C11orf65: variants seen among roughly 807,000 people sequenced by gnomAD.
C11orf65 encodes the protein chromosome 11 open reading frame 65.
In C11orf65, 38 loss-of-function variants were observed where a neutral mutation model predicts 35.3. That is an observed-to-expected ratio of 1.08 (90% CI 0.83 to 1.41). The LOEUF is 1.41. C11orf65 is among the 40% of genes most tolerant of loss of function. C11orf65 has a pLI of 0.00. For missense variants in C11orf65, 370 were observed against 367.1 expected (o/e 1.01, Z -0.06); for synonymous variants, 105 against 114.4 (o/e 0.92, Z 0.53).
intron 7 of C11orf65, among the ~76,000 whole-genome samples, chr11:108,389,865 T>G (rs779002263): frequency 4.6e-5 from 7 of 151,942 alleles, no homozygotes; most frequent in Non-Finnish European, 1.0e-4. Context: ...CGGCTAATTT[T>G]TTATATTTTT....
chr11:108,428,119 G>A (rs531663648), intron 3 of C11orf65, among the ~76,000 whole-genome samples: 9 of 151,812 alleles, frequency 5.9e-5, no homozygotes, highest in South Asian at 2.1e-4. Context: ...GTGAGCCACC[G>A]CGCCCACCCA....
intron 2 of C11orf65, among the ~76,000 whole-genome samples, chr11:108,452,376 G>A (rs575649423): frequency 8.9e-4 from 136 of 152,258 alleles, no homozygotes; most frequent in Non-Finnish European, 1.7e-3. Flanking sequence ...AGACATTTAT[G>A]CAGCCAACAG....
chr11:108,391,942 C>G (rs1018848752), intron 7 of C11orf65, among the ~76,000 whole-genome samples: 1 of 151,792 alleles, frequency 6.6e-6, no homozygotes, highest in South Asian at 2.1e-4. Flanking sequence ...TAAATAGAGG[C>G]GCTGTCTCAC....
At chr11:108,445,004 T>A (rs2093228995) in intron 2 of C11orf65, among the ~76,000 whole-genome samples, 1 of 152,148 alleles carries the variant, frequency 6.6e-6, no homozygotes, top group Non-Finnish European at 1.5e-5. Context: ...GTCTTGCTGA[T>A]TGCTAGCACA....
intron 1 of C11orf65, among the ~76,000 whole-genome samples, chr11:108,462,236 G>A (rs1180432712): frequency 6.6e-6 from 1 of 152,144 alleles, no homozygotes; most frequent in Admixed American, 6.6e-5. Flanking sequence ...GTAGAGACAG[G>A]TTCTTGCTAT....
intron 3 of C11orf65, among the ~76,000 whole-genome samples, chr11:108,414,004 G>A (rs959050714): frequency 2.6e-5 from 4 of 151,876 alleles, no homozygotes; most frequent in African/African-American, 7.3e-5. Context: ...TCTGCCTTGA[G>A]GGACTAGAAA....
chr11:108,343,103 A>G (rs2136931376), intron 2 of C11orf65: 1 of 1,289,378 alleles, frequency 7.8e-7, no homozygotes. Context: ...TTCTATGGAC[A>G]GAGAAATATT....
At chr11:108,441,267 T>C (rs2093149249) in intron 2 of C11orf65, among the ~76,000 whole-genome samples, 1 of 152,206 alleles carries the variant, frequency 6.6e-6, no homozygotes, top group Non-Finnish European at 1.5e-5. Context: ...GCAGCGAGGC[T>C]GGAGGAGAGG....
intron 2 of C11orf65, among the ~76,000 whole-genome samples, chr11:108,356,815 T>C (rs2089989217): frequency 6.6e-6 from 1 of 152,208 alleles, no homozygotes; most frequent in Non-Finnish European, 1.5e-5. Flanking sequence ...GAAGTGACAG[T>C]GGCCAGATCC....
At position 108,420,466 on chromosome 11, in the gene C11orf65, C is replaced by T. The variant is rs563299861; in HGVS notation, c.174+11280G>A. ...AATGGCTTCTAGACCCATCTCCTCA[C>T]CCACCACATTCTGCTCAGTCACTGG... On this transcript the variant is annotated intron_variant, in intron 3 of 8. Transcript: ENST00000393084. Among the ~76,000 whole-genome samples, 107 of 152,254 alleles carry T rather than the reference C, an allele frequency of 7.0e-4. 1 individual carries two copies. Among genetic ancestry groups the T allele is most frequent in the African/African-American group, 2.4e-3 (101 of 41,554 alleles).
chr11:108,420,738 A>C (rs1179167897), intron 3 of C11orf65, among the ~76,000 whole-genome samples: 2 of 152,108 alleles, frequency 1.3e-5, no homozygotes, highest in Non-Finnish European at 2.9e-5. Context: ...CCAAATATTC[A>C]ATACAATCTC....
At chr11:108,443,250 G>C (rs952026262) in intron 2 of C11orf65, among the ~76,000 whole-genome samples, 26 of 152,072 alleles carry the variant, frequency 1.7e-4, no homozygotes, top group African/African-American at 6.3e-4. Context: ...AATTATAAAG[G>C]GATCAATTCA....
At chr11:108,333,006 G>A (rs1483224981) in intron 3 of C11orf65, 20 of 1,392,594 alleles carry the variant, frequency 1.4e-5, no homozygotes, top group Admixed American at 1.9e-5. Flanking sequence ...AATCACAAAC[G>A]TAATCCAAAA....
intron 2 of C11orf65, among the ~76,000 whole-genome samples, chr11:108,444,673 T>G (rs1257016629): frequency 6.6e-6 from 1 of 152,036 alleles, no homozygotes; most frequent in African/African-American, 2.4e-5. Flanking sequence ...GCTCCCAGCA[T>G]GAGCGACGCA....
At chr11:108,453,350 T>C (rs1311771459) in intron 2 of C11orf65, among the ~76,000 whole-genome samples, 1 of 144,892 alleles carries the variant, frequency 6.9e-6, no homozygotes, top group Non-Finnish European at 1.5e-5. Flanking sequence ...GAAGAACAGA[T>C]CAGATAAGTA....
At chr11:108,342,608 A>G (rs1055844273) in intron 2 of C11orf65, among the ~76,000 whole-genome samples, 2 of 152,182 alleles carry the variant, frequency 1.3e-5, no homozygotes, top group African/African-American at 4.8e-5. Flanking sequence ...AATGTGAGAA[A>G]ATCCTAGATT....
chr11:108,310,025 T>G (rs2084008120), intron 6 of C11orf65: 3 of 819,138 alleles, frequency 3.7e-6, no homozygotes, highest in Non-Finnish European at 5.8e-6. Context: ...TAGGTATATA[T>G]TGGGGAAATG....
At chr11:108,326,328 TTAG>T in intron 6 of C11orf65, 1 of 1,404,094 alleles carries the variant, frequency 7.1e-7, no homozygotes, top group Non-Finnish European at 9.7e-7. Flanking sequence ...AGCCTTGAAA[TTAG>T]TAATTTATTA....
At chr11:108,316,079 TCC>T in intron 6 of C11orf65, 1 of 1,614,100 alleles carries the variant, frequency 6.2e-7, no homozygotes, top group Non-Finnish European at 8.5e-7. Flanking sequence ...GAAACAGCAA[TCC>T]CCTCATCAAC....
Sources: allele counts gnomAD v4.1 joint callset (sites outside exome capture counted in the v4.1 genomes callset), GRCh38; gene constraint gnomAD v4.1.1; transcripts MANE v1.5; gene names NCBI Gene and HGNC (gene_info 2026-07-23, HGNC 2026-07-21).